The following SHISA9 variants were observed in gnomAD, a reference collection of about 807,000 sequenced individuals.
The protein encoded by SHISA9 is protein shisa-9.
In SHISA9, 13 loss-of-function variants were observed where a neutral mutation model predicts 38.0. That is an observed-to-expected ratio of 0.34 (90% CI 0.22 to 0.54). SHISA9 has a LOEUF of 0.54. SHISA9 is among the 20% of genes least tolerant of loss of function. The pLI, the probability that SHISA9 is intolerant of heterozygous loss-of-function variation, is 0.91. For missense variants in SHISA9, 538 were observed against 575.8 expected (o/e 0.93, Z 0.67); for synonymous variants, 275 against 242.0 (o/e 1.14, Z -1.27).
intron 2 of SHISA9, among the ~76,000 whole-genome samples, chr16:13,097,738 G>A (rs187447711): frequency 1.2e-4 from 19 of 152,228 alleles, no homozygotes; most frequent in African/African-American, 3.9e-4. Flanking sequence ...TGACTTTGGC[G>A]GAAGTGTCAT....
the SHISA9 span, among the ~76,000 whole-genome samples, chr16:13,509,281 A>AG: frequency 6.6e-6 from 1 of 152,046 alleles, no homozygotes; most frequent in Admixed American, 6.6e-5. Flanking sequence ...GCAAAAAAAA[A>AG]AGAAAAAATT....
At chr16:13,218,185 C>G (rs111525132) in intron 4 of SHISA9, among the ~76,000 whole-genome samples, 1 of 152,170 alleles carries the variant, frequency 6.6e-6, no homozygotes, top group Non-Finnish European at 1.5e-5. Flanking sequence ...AGGGTCCAGA[C>G]CTCAAAGAGG....
chr16:13,230,466 G>A (rs2051321167), intron 4 of SHISA9, among the ~76,000 whole-genome samples: 1 of 152,208 alleles, frequency 6.6e-6, no homozygotes, highest in Non-Finnish European at 1.5e-5. Context: ...TGCAAGAGAA[G>A]AGGATAATGG....
chr16:13,499,248 G>A, the SHISA9 span, among the ~76,000 whole-genome samples: 6 of 152,170 alleles, frequency 3.9e-5, no homozygotes, highest in East Asian at 1.9e-4. Context: ...GCAGGAACAA[G>A]AAAAGTGTTA....
intron 2 of SHISA9, among the ~76,000 whole-genome samples, chr16:13,111,552 G>A (rs1043741234): frequency 6.6e-6 from 1 of 152,142 alleles, no homozygotes; most frequent in African/African-American, 2.4e-5. Flanking sequence ...ATCTGTGTAA[G>A]ACACTTAGCA....
intron 2 of SHISA9, among the ~76,000 whole-genome samples, chr16:13,066,085 G>A (rs1244057493): frequency 2.0e-5 from 3 of 152,170 alleles, no homozygotes. Context: ...CCCTCACTGA[G>A]GGAGATACGA....
intron 3 of SHISA9, among the ~76,000 whole-genome samples, chr16:13,207,393 G>C (rs1474165394): frequency 3.3e-5 from 5 of 152,240 alleles, no homozygotes; most frequent in Middle Eastern, 3.4e-3. Context: ...CACACTCTTT[G>C]AGTAACCCTC....
At chr16:13,336,193 C>G in the SHISA9 span, among the ~76,000 whole-genome samples, 1 of 152,158 alleles carries the variant, frequency 6.6e-6, no homozygotes, top group Admixed American at 6.5e-5. Context: ...TGAACCTCAC[C>G]AGAACCAATT....
the SHISA9 span, among the ~76,000 whole-genome samples, chr16:13,560,680 C>G: frequency 6.7e-6 from 1 of 148,966 alleles, no homozygotes; most frequent in African/African-American, 2.5e-5. Context: ...AAAAATAGCT[C>G]ACAGGTAATT....
chr16:13,490,005 C>G, the SHISA9 span, among the ~76,000 whole-genome samples: 3 of 152,212 alleles, frequency 2.0e-5, no homozygotes, highest in Admixed American at 2.0e-4. Flanking sequence ...CTGGTTAAAT[C>G]AAATGAAATT....
rs186204792 is a variant in SHISA9 at position 13,212,058 on chromosome 16, C to T, written c.848-1195C>T. On this transcript the variant is annotated intron_variant, in intron 3 of 4. Transcript: ENST00000558583. The stretch of plus-strand genomic sequence containing the variant: ...GTTCAGATCCACGGGGGGGATGTGG[C>T]GATTTGAGCATCCTTTGGCACGCCT... 1.3e-3 allele frequency among the ~76,000 whole-genome samples: 199 copies of T among 152,244 alleles called. 1 individual carries two copies. The highest frequency in any genetic ancestry group is 4.6e-3 in the African/African-American group (192 of 41,524).
chr16:13,467,573 G>A, the SHISA9 span, among the ~76,000 whole-genome samples: 5 of 152,134 alleles, frequency 3.3e-5, no homozygotes, highest in Admixed American at 1.3e-4. Flanking sequence ...CCATGATCCC[G>A]TGATCCACTT....
chr16:13,004,985 C>G lies in SHISA9; in HGVS notation c.691+88170C>G, dbSNP rs546388043. 2.4e-3 allele frequency among the ~76,000 whole-genome samples: 120 copies of G among 49,340 alleles called. 1 individual carries two copies. Among genetic ancestry groups the G allele is most frequent in the Non-Finnish European group, 4.3e-3 (101 of 23,532 alleles). 32.4% of individuals were successfully genotyped at this position (49,340 alleles called of 152,430 possible). On this transcript the variant is annotated intron_variant, in intron 2 of 4. Transcript: ENST00000558583. ...AAAAAAAGAAAGAAAGAAACAGAAT[C>G]AGGAAATGTATAGCTGCAATCCATA...
intron 2 of SHISA9, among the ~76,000 whole-genome samples, chr16:13,004,210 CT>C (rs2072566225): frequency 1.3e-5 from 2 of 152,188 alleles, no homozygotes; most frequent in South Asian, 4.1e-4. Context: ...TGTAACAGAT[CT>C]GGAAAATCCT....
At chr16:13,225,265 C>T (rs373590895) in intron 4 of SHISA9, among the ~76,000 whole-genome samples, 20 of 152,162 alleles carry the variant, frequency 1.3e-4, no homozygotes, top group Non-Finnish European at 2.6e-4. Flanking sequence ...TGGAGCATGG[C>T]CCGGCCAACT....
the SHISA9 span, among the ~76,000 whole-genome samples, chr16:13,404,043 C>G: frequency 6.6e-6 from 1 of 152,158 alleles, no homozygotes; most frequent in Non-Finnish European, 1.5e-5. Context: ...ATGGTAGAAT[C>G]GTGATTCGAA....
At chr16:13,070,701 C>T (rs2073503417) in intron 2 of SHISA9, among the ~76,000 whole-genome samples, 1 of 152,208 alleles carries the variant, frequency 6.6e-6, no homozygotes, top group Non-Finnish European at 1.5e-5. Context: ...TCTTTATAGG[C>T]ATTCGCTCAT....
intron 2 of SHISA9, among the ~76,000 whole-genome samples, chr16:13,044,395 T>C (rs1596608379): frequency 6.6e-6 from 1 of 152,228 alleles, no homozygotes; most frequent in African/African-American, 2.4e-5. Context: ...TATTGAACCT[T>C]TCTGAACCTC....
chr16:13,181,173 T>G (rs2050773240), intron 2 of SHISA9, among the ~76,000 whole-genome samples: 1 of 150,730 alleles, frequency 6.6e-6, no homozygotes, highest in Non-Finnish European at 1.5e-5. Context: ...TTTTGTTGTT[T>G]ATATAATCAT....
Sources: gnomAD v4.1 joint callset for allele counts (sites outside exome capture counted in the v4.1 genomes callset) on GRCh38, gnomAD v4.1.1 for gene constraint, MANE v1.5 for transcripts, NCBI Gene and HGNC (gene_info 2026-07-23, HGNC 2026-07-21) for gene names.